IMMP2L: variants seen among roughly 807,000 people sequenced by gnomAD.
IMMP2L encodes the protein inner mitochondrial membrane peptidase subunit 2, also known as mitochondrial inner membrane protease subunit 2.
Under a neutral mutation model 19.3 loss-of-function variants are expected in IMMP2L, and 18 were observed. That is an observed-to-expected ratio of 0.93 (90% confidence interval 0.64 to 1.38). The LOEUF (loss-of-function observed/expected upper bound fraction) is 1.38. Among genes scored for constraint, IMMP2L ranks in the 40% most tolerant of loss-of-function variants. IMMP2L has a pLI of 0.00. For missense variants in IMMP2L, 233 were observed against 218.2 expected, an observed-to-expected ratio of 1.07 and a Z score of -0.43; for synonymous variants, 76 against 73.0, an observed-to-expected ratio of 1.04 and a Z score of -0.21.
intron 5 of IMMP2L, among the ~76,000 whole-genome samples, chr7:110,794,224 A>C (rs1800691638): frequency 6.6e-6 from 1 of 152,170 alleles, no homozygotes. Context: ...CTTTATTTAT[A>C]GTTGCTAAAA....
chr7:110,695,549 T>C (rs1362080569), intron 5 of IMMP2L, among the ~76,000 whole-genome samples: 1 of 152,024 alleles, frequency 6.6e-6, no homozygotes, highest in Non-Finnish European at 1.5e-5. Flanking sequence ...CCCTCAATAA[T>C]GAGAATAATA....
intron 3 of IMMP2L, among the ~76,000 whole-genome samples, chr7:111,088,362 A>G (rs1004660803): frequency 1.3e-5 from 2 of 152,210 alleles, no homozygotes; most frequent in African/African-American, 4.8e-5. Context: ...CATTTCCTAC[A>G]ATGTAGGTAA....
intron 3 of IMMP2L, among the ~76,000 whole-genome samples, chr7:111,228,148 A>C (rs940210153): frequency 6.6e-6 from 1 of 152,106 alleles, no homozygotes; most frequent in Non-Finnish European, 1.5e-5. Context: ...TTCATGTTTA[A>C]AACAAACATT....
chr7:111,006,277 A>T, intron 3 of IMMP2L, among the ~76,000 whole-genome samples: 1 of 152,148 alleles, frequency 6.6e-6, no homozygotes, highest in East Asian at 1.9e-4. Context: ...CTCAATGTGA[A>T]AAAGTGTAAG....
chr7:110,742,825 A>T (rs578197133), intron 5 of IMMP2L, among the ~76,000 whole-genome samples: 69 of 152,220 alleles, frequency 4.5e-4, no homozygotes, highest in Middle Eastern at 3.4e-3. Context: ...ACATCATAAA[A>T]TGCCCAACAT....
intron 5 of IMMP2L, among the ~76,000 whole-genome samples, chr7:110,883,500 T>G (rs1177096915): frequency 6.6e-6 from 1 of 152,128 alleles, no homozygotes; most frequent in Non-Finnish European, 1.5e-5. Context: ...CAGTATAACT[T>G]GAAGTTTCCA....
intron 5 of IMMP2L, among the ~76,000 whole-genome samples, chr7:110,857,391 C>T (rs1380706285): frequency 6.6e-6 from 1 of 152,044 alleles, no homozygotes; most frequent in Non-Finnish European, 1.5e-5. Context: ...AAAACACCTG[C>T]CCTGCAGGCT....
At chr7:111,444,759 A>C (rs1007878032) in intron 3 of IMMP2L, among the ~76,000 whole-genome samples, 2 of 152,140 alleles carry the variant, frequency 1.3e-5, no homozygotes, top group East Asian at 1.9e-4. Context: ...AAAACAAAGA[A>C]GTAAGAGAGC....
intron 4 of IMMP2L, among the ~76,000 whole-genome samples, chr7:110,951,565 G>GTA (rs1399379126): frequency 6.9e-4 from 103 of 148,596 alleles, no homozygotes; most frequent in African/African-American, 2.3e-3. Context: ...GTGTGTGTAT[G>GTA]TGTGTGTGTG....
At chr7:111,231,905 C>A (rs1038543082) in intron 3 of IMMP2L, among the ~76,000 whole-genome samples, 10 of 151,720 alleles carry the variant, frequency 6.6e-5, no homozygotes, top group Non-Finnish European at 1.5e-4. Context: ...AAAATCACCG[C>A]CAAATTTCAG....
intron 3 of IMMP2L, among the ~76,000 whole-genome samples, chr7:111,010,143 C>A (rs1325827591): frequency 6.6e-6 from 1 of 152,098 alleles, no homozygotes; most frequent in East Asian, 1.9e-4. Context: ...TAAAGAGAAA[C>A]CTAGAGCAGG....
chr7:111,421,457 A>T lies in IMMP2L; in HGVS notation c.239+65781T>A, dbSNP rs570340093. On this transcript the variant is annotated intron_variant, in intron 3 of 5. Transcript: ENST00000405709. ...GCTAATTTTTTTTTGTATTTTTAGT[A>T]GAGACGGGGTTTCACCGTGTTAGCC... 9.2e-4 allele frequency among the ~76,000 whole-genome samples: 139 copies of T among 150,502 alleles called. 1 individual carries two copies. The highest frequency in any genetic ancestry group is 1.3e-3 in the Non-Finnish European group (91 of 67,806).
chr7:111,502,599 A>G (rs1488127148), intron 2 of IMMP2L, among the ~76,000 whole-genome samples: 3 of 152,168 alleles, frequency 2.0e-5, no homozygotes, highest in Non-Finnish European at 4.4e-5. Flanking sequence ...AATGTAAAAA[A>G]CAGAAATTAT....
At chr7:111,274,901 T>C (rs1040623301) in intron 3 of IMMP2L, among the ~76,000 whole-genome samples, 3 of 152,116 alleles carry the variant, frequency 2.0e-5, no homozygotes, top group African/African-American at 7.2e-5. Flanking sequence ...GATACCAGCA[T>C]TCCCCATCAG....
At chr7:110,968,095 G>A (rs768862931) in intron 3 of IMMP2L, among the ~76,000 whole-genome samples, 5 of 152,024 alleles carry the variant, frequency 3.3e-5, no homozygotes, top group African/African-American at 1.2e-4. Flanking sequence ...TGGAAATAGA[G>A]TCTTGCTGTT....
At chr7:111,341,173 GTCTAC>G (rs2130788014) in intron 3 of IMMP2L, among the ~76,000 whole-genome samples, 1 of 152,130 alleles carries the variant, frequency 6.6e-6, no homozygotes, top group Non-Finnish European at 1.5e-5. Flanking sequence ...GTAATAATTC[GTCTAC>G]TAATCAGCTG....
intron 3 of IMMP2L, among the ~76,000 whole-genome samples, chr7:110,992,544 T>C (rs1398388052): frequency 6.6e-6 from 1 of 151,914 alleles, no homozygotes; most frequent in Non-Finnish European, 1.5e-5. Flanking sequence ...TTAAGCCATA[T>C]TTGAAATTCA....
At chr7:111,282,359 G>A (rs1819986923) in intron 3 of IMMP2L, among the ~76,000 whole-genome samples, 1 of 152,114 alleles carries the variant, frequency 6.6e-6, no homozygotes, top group African/African-American at 2.4e-5. Context: ...GGAAGAGTAT[G>A]GTATTTGAAC....
chr7:111,018,903 C>T (rs1585782657), intron 3 of IMMP2L, among the ~76,000 whole-genome samples: 1 of 150,924 alleles, frequency 6.6e-6, no homozygotes, highest in South Asian at 2.1e-4. Flanking sequence ...AAATCCTACA[C>T]CTACATTTGC....
Sources: gnomAD v4.1 joint callset for allele counts (sites outside exome capture counted in the v4.1 genomes callset) on GRCh38, gnomAD v4.1.1 for gene constraint, MANE v1.5 for transcripts, NCBI Gene and HGNC (gene_info 2026-07-23, HGNC 2026-07-21) for gene names.